Variants in LDLRAD3 observed in about 807,000 individuals in gnomAD.
LDLRAD3 encodes the protein low-density lipoprotein receptor class A domain-containing protein 3.
A neutral mutation model predicts 29.4 loss-of-function variants in LDLRAD3; 20 were observed. That is an observed-to-expected ratio of 0.68 (90% CI 0.48 to 0.99). The LOEUF (loss-of-function observed/expected upper bound fraction) is 0.99, where lower values mean the gene tolerates loss of function less well. LDLRAD3 is among the 50% of genes least tolerant of loss of function. The pLI, the probability that LDLRAD3 is intolerant of heterozygous loss-of-function variation, is 0.00. For missense variants in LDLRAD3, 420 were observed against 454.3 expected (o/e 0.92, Z 0.69); for synonymous variants, 157 against 192.7 (o/e 0.81, Z 1.53).
chr11:36,090,289 G>A (rs1302405161), intron 3 of LDLRAD3, among the ~76,000 whole-genome samples: 2 of 152,208 alleles, frequency 1.3e-5, no homozygotes, highest in Non-Finnish European at 2.9e-5. Flanking sequence ...AAGATCACAT[G>A]ATGGGAGACT....
At chr11:36,064,856 A>G (rs1852765803) in intron 2 of LDLRAD3, among the ~76,000 whole-genome samples, 1 of 152,068 alleles carries the variant, frequency 6.6e-6, no homozygotes. Context: ...TTGATTTCTA[A>G]TTTCATTCCA....
chr11:35,993,719 C>A (rs1345171967), intron 1 of LDLRAD3, among the ~76,000 whole-genome samples: 1 of 150,548 alleles, frequency 6.6e-6, no homozygotes, highest in Admixed American at 6.6e-5. Flanking sequence ...GAGTGAGGTA[C>A]CAGAAAAGTC....
chr11:35,957,147 C>A (rs570949019), intron 1 of LDLRAD3, among the ~76,000 whole-genome samples: 68 of 152,338 alleles, frequency 4.5e-4, no homozygotes, highest in African/African-American at 1.6e-3. Flanking sequence ...AACATACAGT[C>A]TACCACCTAA....
At chr11:36,006,231 A>C (rs1225346334) in intron 1 of LDLRAD3, among the ~76,000 whole-genome samples, 2 of 152,156 alleles carry the variant, frequency 1.3e-5, no homozygotes, top group Non-Finnish European at 2.9e-5. Context: ...CGCCATAGTT[A>C]CCAGAGTTAC....
At chr11:36,170,511 G>A (rs536316477) in intron 4 of LDLRAD3, among the ~76,000 whole-genome samples, 56 of 151,900 alleles carry the variant, frequency 3.7e-4, no homozygotes, top group African/African-American at 1.3e-3. Context: ...TTTCCTCTGG[G>A]TAGATACCCA....
intron 4 of LDLRAD3, among the ~76,000 whole-genome samples, chr11:36,191,792 T>C (rs978983843): frequency 1.3e-5 from 2 of 151,856 alleles, no homozygotes; most frequent in Non-Finnish European, 1.5e-5. Context: ...GGAAGAAAAG[T>C]GTTCAAATCA....
chr11:36,129,970 C>A (rs533248609), intron 4 of LDLRAD3, among the ~76,000 whole-genome samples: 4 of 152,300 alleles, frequency 2.6e-5, no homozygotes, highest in African/African-American at 9.6e-5. Flanking sequence ...GAGGGAACTT[C>A]CGTGTTTTGT....
chr11:35,982,481 T>A (rs1163339443), intron 1 of LDLRAD3, among the ~76,000 whole-genome samples: 1 of 152,192 alleles, frequency 6.6e-6, no homozygotes, highest in East Asian at 1.9e-4. Context: ...TATGGCCACA[T>A]TCTGAGTTAA....
intron 3 of LDLRAD3, 71 bp from the exon 4 acceptor site, chr11:36,098,256 G>A (rs2133273790): frequency 1.9e-6 from 3 of 1,577,256 alleles, no homozygotes; most frequent in Non-Finnish European, 1.7e-6. Context: ...ACGCCAGGCT[G>A]GAAGAAGTTC....
chr11:36,032,681 G>A (rs1044453637), intron 1 of LDLRAD3, among the ~76,000 whole-genome samples: 4 of 152,066 alleles, frequency 2.6e-5, no homozygotes, highest in African/African-American at 9.7e-5. Flanking sequence ...AACCCAAAAT[G>A]TCTCCAGACA....
At chr11:36,037,846 C>T (rs1228915711) in intron 2 of LDLRAD3, among the ~76,000 whole-genome samples, 1 of 152,202 alleles carries the variant, frequency 6.6e-6, no homozygotes. Context: ...ATATTTCATA[C>T]TGCTTGTTGC....
intron 4 of LDLRAD3, among the ~76,000 whole-genome samples, chr11:36,151,188 C>A (rs189487786): frequency 3.3e-5 from 5 of 152,266 alleles, no homozygotes; most frequent in Admixed American, 3.3e-4. Context: ...GTGAATCATG[C>A]TCATATCTGG....
At chr11:36,148,401 A>T (rs1854228840) in intron 4 of LDLRAD3, among the ~76,000 whole-genome samples, 1 of 152,104 alleles carries the variant, frequency 6.6e-6, no homozygotes, top group Admixed American at 6.5e-5. Context: ...GGGTGACTGT[A>T]GGGGCATCTC....
At chr11:36,203,848 T>G (rs1855164134) in intron 4 of LDLRAD3, among the ~76,000 whole-genome samples, 1 of 152,152 alleles carries the variant, frequency 6.6e-6, no homozygotes, top group African/African-American at 2.4e-5. Context: ...GCTAGTGACT[T>G]TCTTTGGTTT....
chr11:36,021,216 C>T (rs754655952), intron 1 of LDLRAD3, among the ~76,000 whole-genome samples: 13 of 152,054 alleles, frequency 8.5e-5, no homozygotes, highest in South Asian at 2.1e-4. Flanking sequence ...ACTGAATTGG[C>T]GGTGTTGGTT....
At chr11:36,192,755 C>T (rs1332523785) in intron 4 of LDLRAD3, among the ~76,000 whole-genome samples, 1 of 152,190 alleles carries the variant, frequency 6.6e-6, no homozygotes, top group Non-Finnish European at 1.5e-5. Flanking sequence ...CTCCCTGGAA[C>T]CTTTTAGGGT....
intron 4 of LDLRAD3, among the ~76,000 whole-genome samples, chr11:36,180,586 T>G (rs867493839): frequency 8.5e-5 from 13 of 152,132 alleles, no homozygotes; most frequent in African/African-American, 3.1e-4. Flanking sequence ...GACTTTTGCC[T>G]CTACTCTGGG....
chr11:36,219,820 T>C (rs1048392747), intron 4 of LDLRAD3, among the ~76,000 whole-genome samples: 5 of 152,204 alleles, frequency 3.3e-5, no homozygotes, highest in African/African-American at 1.2e-4. Flanking sequence ...TTTTCTTCAT[T>C]GACTAGTCTT....
intron 1 of LDLRAD3, among the ~76,000 whole-genome samples, chr11:36,025,723 G>C (rs1309082294): frequency 6.9e-6 from 1 of 145,276 alleles, no homozygotes; most frequent in Non-Finnish European, 1.5e-5. Flanking sequence ...TGCAGTTGAA[G>C]TTCATTATGT....
Sources: gnomAD v4.1 joint callset for allele counts (sites outside exome capture counted in the v4.1 genomes callset) on GRCh38, gnomAD v4.1.1 for gene constraint, MANE v1.5 for transcripts, NCBI Gene and HGNC (gene_info 2026-07-23, HGNC 2026-07-21) for gene names.